Variants in MEGF11 observed in about 807,000 individuals in gnomAD.
The protein encoded by MEGF11 is multiple EGF like domains 11.
Under a neutral mutation model 146.6 loss-of-function variants are expected in MEGF11, and 126 were observed. The observed-to-expected ratio is 0.86, with a 90% CI of 0.74 to 1.00. The LOEUF is 1.00. MEGF11 is among the 50% of genes least tolerant of loss of function. The pLI, the probability that MEGF11 is intolerant of heterozygous loss-of-function variation, is 0.00. For missense variants in MEGF11, 1,509 were observed against 1,521.2 expected (o/e 0.99, Z 0.13); for synonymous variants, 532 against 583.4 (o/e 0.91, Z 1.27).
At chr15:65,919,080 T>G (rs1019736931) in intron 15 of MEGF11, among the ~76,000 whole-genome samples, 8 of 152,248 alleles carry the variant, frequency 5.3e-5, no homozygotes, top group African/African-American at 1.9e-4. Context: ...CATCTTGGGC[T>G]GAAACCCTCT....
chr15:66,099,453 G>A (rs1019668647), intron 4 of MEGF11, among the ~76,000 whole-genome samples: 2 of 152,056 alleles, frequency 1.3e-5, no homozygotes, highest in Non-Finnish European at 2.9e-5. Context: ...CCAAAGTGCC[G>A]GGATTATAGG....
chr15:66,122,793 T>TG (rs2088101271), intron 3 of MEGF11, among the ~76,000 whole-genome samples: 1 of 150,304 alleles, frequency 6.7e-6, no homozygotes, highest in Non-Finnish European at 1.5e-5. Context: ...TGTTTTGTTT[T>TG]TTTGAGAGAG....
chr15:66,017,496 A>G (rs2140147342), intron 5 of MEGF11, among the ~76,000 whole-genome samples: 1 of 152,276 alleles, frequency 6.6e-6, no homozygotes. Flanking sequence ...CTGTCTAGCC[A>G]CCATGTTCCC....
intron 5 of MEGF11, among the ~76,000 whole-genome samples, chr15:66,002,281 C>T (rs894764113): frequency 1.3e-5 from 2 of 152,084 alleles, no homozygotes; most frequent in African/African-American, 4.8e-5. Flanking sequence ...CACTCAGGCT[C>T]GAGAGAGAGA....
intron 1 of MEGF11, among the ~76,000 whole-genome samples, chr15:66,186,883 G>A (rs1367199863): frequency 6.6e-6 from 1 of 152,206 alleles, no homozygotes. Context: ...GCTACTGATG[G>A]CTGAGCCAGG....
intron 10 of MEGF11, among the ~76,000 whole-genome samples, chr15:65,949,776 C>G (rs941098963): frequency 6.6e-6 from 1 of 152,242 alleles, no homozygotes; most frequent in Non-Finnish European, 1.5e-5. Context: ...CAGTTCACTG[C>G]AGGCACCAAG....
chr15:66,235,055 C>T (rs1224062402), intron 1 of MEGF11, among the ~76,000 whole-genome samples: 2 of 152,192 alleles, frequency 1.3e-5, no homozygotes, highest in African/African-American at 2.4e-5. Flanking sequence ...GGAGAGGGGG[C>T]GCCACGCTTT....
At chr15:66,187,986 T>C (rs1196466911) in intron 1 of MEGF11, among the ~76,000 whole-genome samples, 2 of 152,226 alleles carry the variant, frequency 1.3e-5, no homozygotes, top group East Asian at 1.9e-4. Context: ...TATACACGCA[T>C]GCACACACTT....
Position 65,924,624 on chromosome 15 carries a change from CT to C in MEGF11, c.1676-1656del, listed in dbSNP as rs573572484. 9.3e-3 allele frequency among the ~76,000 whole-genome samples: 1,033 copies of C among 111,604 alleles called. 2 individuals carry two copies. The highest frequency in any genetic ancestry group is 0.03 in the African/African-American group (893 of 29,878). The allele number at this position is 111,604 out of a possible 152,430, so 73.2% of individuals were successfully genotyped here. A position where few individuals can be genotyped will look rare whatever the true frequency, so the allele number is the denominator to read the frequency against. ...ACAAAAGCTGTGATCTGCCATAAGG[CT>C]TTTTTTTTTTTTTTTTTTTTGGAGA... On this transcript the variant is annotated intron_variant, in intron 13 of 25. Coordinates refer to ENST00000395614, the MANE Select transcript of MEGF11 (RefSeq NM_001385028.1).
intron 5 of MEGF11, among the ~76,000 whole-genome samples, chr15:66,013,987 A>G (rs187686472): frequency 6.6e-6 from 1 of 152,294 alleles, no homozygotes; most frequent in East Asian, 1.9e-4. Flanking sequence ...GGCTTTGAGC[A>G]GAGGAGGGCC....
intron 1 of MEGF11, among the ~76,000 whole-genome samples, chr15:66,199,609 G>T (rs925373985): frequency 2.6e-5 from 4 of 152,092 alleles, no homozygotes; most frequent in Non-Finnish European, 5.9e-5. Flanking sequence ...TGTAGTTAAG[G>T]CACACCAACA....
intron 10 of MEGF11, among the ~76,000 whole-genome samples, chr15:65,949,457 G>A (rs924547261): frequency 1.6e-4 from 24 of 152,350 alleles, no homozygotes; most frequent in African/African-American, 5.5e-4. Context: ...AGCATGCAGG[G>A]TTGAATAATG....
intron 4 of MEGF11, among the ~76,000 whole-genome samples, chr15:66,116,130 C>T (rs2087715778): frequency 6.6e-6 from 1 of 152,162 alleles, no homozygotes; most frequent in African/African-American, 2.4e-5. Context: ...CCCTCTCCCA[C>T]CCACCCCTGA....
chr15:66,043,980 A>C (rs1397915195), intron 5 of MEGF11, among the ~76,000 whole-genome samples: 1 of 152,206 alleles, frequency 6.6e-6, no homozygotes, highest in Non-Finnish European at 1.5e-5. Flanking sequence ...ATTCCTCAAT[A>C]AGGCTTTTAA....
At chr15:66,100,368 G>A (rs909325527) in intron 4 of MEGF11, among the ~76,000 whole-genome samples, 16 of 152,202 alleles carry the variant, frequency 1.1e-4, no homozygotes, top group Non-Finnish European at 1.8e-4. Context: ...CTCTCTCTCC[G>A]GCACCCCATA....
intron 13 of MEGF11, among the ~76,000 whole-genome samples, chr15:65,925,410 G>C (rs2079336753): frequency 6.6e-6 from 1 of 152,168 alleles, no homozygotes; most frequent in Admixed American, 6.5e-5. Flanking sequence ...GCTGTTTGTG[G>C]TTCTTATATG....
At chr15:66,245,143 G>C (rs933353684) in intron 1 of MEGF11, among the ~76,000 whole-genome samples, 10 of 152,126 alleles carry the variant, frequency 6.6e-5, no homozygotes, top group African/African-American at 2.4e-4. Context: ...AGGGTGATTT[G>C]GATTAAACAC....
At chr15:65,908,560 G>A (rs2078699145) in intron 23 of MEGF11, among the ~76,000 whole-genome samples, 1 of 152,196 alleles carries the variant, frequency 6.6e-6, no homozygotes, top group Non-Finnish European at 1.5e-5. Context: ...CCAGATCCCT[G>A]TTTGACAACC....
intron 5 of MEGF11, among the ~76,000 whole-genome samples, chr15:66,084,613 G>A (rs115242890): frequency 1.4e-4 from 21 of 152,292 alleles, no homozygotes; most frequent in African/African-American, 5.1e-4. Context: ...TTAGAGAGCC[G>A]AGTAAAATAC....
Sources: gnomAD v4.1 joint callset for allele counts (sites outside exome capture counted in the v4.1 genomes callset) on GRCh38, gnomAD v4.1.1 for gene constraint, MANE v1.5 for transcripts, NCBI Gene and HGNC (gene_info 2026-07-23, HGNC 2026-07-21) for gene names.